ASPM: variants seen among roughly 807,000 people sequenced by gnomAD.
ASPM encodes abnormal spindle-like microcephaly-associated protein.
A neutral mutation model predicts 366.4 loss-of-function variants in ASPM; 256 were observed. The ratio of observed to expected loss-of-function variants is 0.70; its 90% CI spans 0.63 to 0.77. ASPM has a LOEUF of 0.77. Ranked by LOEUF, ASPM falls within the 30% of genes least tolerant of loss-of-function variation. The pLI is 0.00. For synonymous variants in ASPM, 1,414 were observed against 1,342.9 expected, an observed-to-expected ratio of 1.05 and a Z score of -1.16; for missense variants, 4,146 against 4,090.4, an observed-to-expected ratio of 1.01 and a Z score of -0.37.
At position 197,087,949 on chromosome 1, in the gene ASPM, A is replaced by C. The variant is rs538763468; in HGVS notation, c.10161+307T>G. 4.6e-5 allele frequency among the ~76,000 whole-genome samples: 7 copies of C among 152,294 alleles called. No homozygotes were observed. In the South Asian group the frequency reaches 1.5e-3, roughly 32 times the overall value. Reference sequence around the variant, plus strand: ...AAGCTTGAAATACAATTATGGTTACAACAGGAGGATAAGAAGTTATACCTA... The same window carrying C: ...AAGCTTGAAATACAATTATGGTTACCACAGGAGGATAAGAAGTTATACCTA... On this transcript the variant is annotated intron_variant, in intron 26 of 27. Coordinates refer to ENST00000367409, the MANE Select transcript of ASPM (RefSeq NM_018136.5).
intron 4 of ASPM, 58 bp downstream of exon 4, chr1:197,139,709 A>C: frequency 7.9e-7 from 1 of 1,268,924 alleles, no homozygotes; most frequent in Non-Finnish European, 1.2e-6. Flanking sequence ...TGTGAAATGC[A>C]ATTAATGCTT....
intron 17 of ASPM, among the ~76,000 whole-genome samples, chr1:197,108,971 C>CAAAAAAAAAAAAAAAAAAA (rs564818123): frequency 1.4e-5 from 1 of 69,746 alleles, no homozygotes; most frequent in Non-Finnish European, 2.6e-5. Context: ...ACCCTGTCTC[C>CAAAAAAAAAAAAAAAAAAA]AAAAAAAAAA....
chr1:197,139,453 C>A (rs995574942), intron 4 of ASPM: 2 of 552,846 alleles, frequency 3.6e-6, no homozygotes, highest in Non-Finnish European at 3.2e-6. Flanking sequence ...AAAAATTAGC[C>A]GGGCATGGTC....
chr1:197,146,340 G>T lies in ASPM; in HGVS notation c.98C>A (p.Ala33Glu), dbSNP rs1557967656. 5 of 1,612,458 alleles carry T rather than the reference G, an allele frequency of 3.1e-6. No homozygotes were observed. The highest frequency in any genetic ancestry group is 4.2e-6 in the Non-Finnish European group (5 of 1,179,850). ...GLRGPAAEEEASSPPVLSLSH... is the reference protein window; with the variant it reads ...GLRGPAAEEEESSPPVLSLSH... ...GAGAGACAGGACCGGCGGGGAAGACGCCTCCTCCTCGGCCGCGGGGCCCCG... is the reference window on the plus strand; with the variant it reads ...GAGAGACAGGACCGGCGGGGAAGACTCCTCCTCCTCGGCCGCGGGGCCCCG... The change falls in exon 1 of 28, where the codon GCG (alanine) becomes GAG (glutamate). Residue 33 changes from alanine to glutamate, a missense_variant. By Grantham distance (107) the Ala-to-Glu change is moderately radical. Around this residue, in one of 3 missense-constraint regions of ASPM, gnomAD observed 512 missense variants for 471.7 expected, o/e 1.09. Transcript: ENST00000367409.
intron 4 of ASPM, among the ~76,000 whole-genome samples, chr1:197,138,096 AAAATGT>A (rs1476195768): frequency 6.6e-6 from 1 of 152,214 alleles, no homozygotes; most frequent in Non-Finnish European, 1.5e-5. Context: ...ATTTAGATAT[AAAATGT>A]AAAAGTCACT....
At chr1:197,106,391 T>A (rs1657409872) in intron 17 of ASPM, among the ~76,000 whole-genome samples, 1 of 152,046 alleles carries the variant, frequency 6.6e-6, no homozygotes, top group Non-Finnish European at 1.5e-5. Context: ...ACATAAAGTA[T>A]TAACTTGCTT....
chr1:197,092,345 G>A (rs1293208377), intron 21 of ASPM, among the ~76,000 whole-genome samples: 1 of 151,176 alleles, frequency 6.6e-6, no homozygotes, highest in Non-Finnish European at 1.5e-5. Context: ...ATTAGAGAAG[G>A]GTATAAATAT....
intron 10 of ASPM, among the ~76,000 whole-genome samples, chr1:197,126,440 A>C (rs1396230611): frequency 1.6e-4 from 5 of 31,846 alleles, no homozygotes; most frequent in Non-Finnish European, 1.8e-4. Flanking sequence ...ACTCTGTCTC[A>C]AAAAAAAAAA....
chr1:197,133,308 G>A lies in ASPM; in HGVS notation c.2419+42C>T, dbSNP rs577431982. Reference sequence around the variant, plus strand: ...GAAAAAAACACAAAATCTCTTGAATGTTTTTAAAGAATTAATGTCAAGATT... The same window carrying A: ...GAAAAAAACACAAAATCTCTTGAATATTTTTAAAGAATTAATGTCAAGATT... On this transcript the variant is annotated intron_variant, in intron 6 of 27. Transcript: ENST00000367409. 2.5e-6 allele frequency: 4 copies of A among 1,574,904 alleles called. No individual in the cohort carries two copies. The South Asian group carries it at 3.6e-5, about 14-fold the overall frequency.
intron 23 of ASPM, 59 bp from the exon 24 acceptor site, chr1:197,090,447 T>G: frequency 7.8e-7 from 1 of 1,283,110 alleles, no homozygotes; most frequent in Non-Finnish European, 1.1e-6. Flanking sequence ...TATTTATATC[T>G]ACATCTGTTT....
At chr1:197,114,412 AT>A (rs1657682924) in intron 17 of ASPM, among the ~76,000 whole-genome samples, 1 of 152,160 alleles carries the variant, frequency 6.6e-6, no homozygotes. Flanking sequence ...GTTTTACTGC[AT>A]TGATTGACTC....
chr1:197,089,620 A>G (rs991701574), intron 25 of ASPM, among the ~76,000 whole-genome samples: 1 of 151,932 alleles, frequency 6.6e-6, no homozygotes, highest in African/African-American at 2.4e-5. Context: ...ACTTTAGAGG[A>G]TTATTATGAG....
chr1:197,128,563 G>A lies in ASPM; in HGVS notation c.2863C>T (p.Gln955Ter), dbSNP rs774338373. ...AAATCAAATTCATCAAATGGTGTCT[G>A]AACATGGTTAACAGGTAATCCCAAT... ...GLLGLPVNHV[Q>*]TPFDEFDFAV... The change falls in exon 10 of 28, where the codon CAG becomes TAG. Residue 955 changes from glutamine (Q) to a stop codon, truncating the protein, a stop_gained. Transcript: ENST00000367409. LOFTEE classifies it high-confidence loss of function. 6.2e-7 allele frequency: 1 copy of A among 1,613,692 alleles called. No individual in the cohort carries two copies. The highest frequency in any genetic ancestry group is 8.5e-7 in the Non-Finnish European group (1 of 1,179,756).
Position 197,101,381 on chromosome 1 carries a change from G to A in ASPM, c.7870C>T (p.Gln2624Ter). 1.9e-6 allele frequency: 3 copies of A among 1,609,194 alleles called. No homozygotes were observed. Among genetic ancestry groups the A allele is most frequent in the Admixed American group, 1.7e-5 (1 of 59,678 alleles). Residue 2624 changes from glutamine to a stop codon, truncating the protein, a stop_gained, in exon 18 of 28, where the codon CAG becomes TAG. Transcript: ENST00000367409. LOFTEE classifies it high-confidence loss of function. ...DMNIKKQIQEQHQAAIIIQKH... is the reference protein window; with the variant it reads ...DMNIKKQIQE Reference sequence around the variant, plus strand: ...TGAATAATAATGGCAGCCTGGTGCTGTTCCTGAATCTGTTTTTTTATGTTC... The same window carrying A: ...TGAATAATAATGGCAGCCTGGTGCTATTCCTGAATCTGTTTTTTTATGTTC...
At position 197,104,246 on chromosome 1, in the gene ASPM, A is replaced by G; in HGVS notation, c.5005T>C (p.Tyr1669His). 6.2e-7 allele frequency: 1 copy of G among 1,612,856 alleles called. No individual in the cohort carries two copies. Among genetic ancestry groups the G allele is most frequent in the South Asian group, 1.1e-5 (1 of 91,036 alleles). The change falls in exon 18 of 28, where the codon TAT becomes CAT. Residue 1669 changes from tyrosine to histidine, a missense_variant. Around this residue, in one of 3 missense-constraint regions of ASPM, gnomAD observed 3,624 missense variants for 3,591.7 expected, o/e 1.01. Coordinates refer to ENST00000367409, the MANE Select transcript of ASPM (RefSeq NM_018136.5). ...CTCAAAAATTCCTTTTTAGAAACAT[A>G]AGCACGATAATATGATTGAATCTTT... is the stretch of plus-strand genomic sequence containing the variant. ...VIKIQSYYRA[Y>H]VSKKEFLSLK...
Position 197,100,825 on chromosome 1 carries a change from G to A in ASPM, c.8426C>T (p.Ala2809Val). 2 of 1,612,548 alleles carry A rather than the reference G, an allele frequency of 1.2e-6. No homozygotes were observed. The highest frequency in any genetic ancestry group is 1.7e-6 in the Non-Finnish European group (2 of 1,179,114). ...KASGLACSQE[A>V]EYHSQSRAAV... ...AGCCCTACTTTGAGAATGATACTCT[G>A]CTTCCTGTGAACAAGCAAGGCCAGA... is the stretch of plus-strand genomic sequence containing the variant. The change falls in exon 18 of 28, where the codon GCA (alanine) becomes GTA (valine). Residue 2809 changes from alanine to valine, a missense_variant. Physicochemically the swap from Ala to Val is moderately conservative, Grantham distance 64. This residue lies in a region of ASPM where 3,624 missense variants were observed against 3,591.7 expected (regional missense o/e 1.01). Coordinates refer to ENST00000367409, the MANE Select transcript of ASPM (RefSeq NM_018136.5).
At chr1:197,113,575 C>G (rs989731054) in intron 17 of ASPM, among the ~76,000 whole-genome samples, 5 of 151,930 alleles carry the variant, frequency 3.3e-5, no homozygotes, top group Non-Finnish European at 7.4e-5. Context: ...ATAACATAGG[C>G]ATACATCTAC....
chr1:197,118,948 G>A (rs1571612594), intron 16 of ASPM, among the ~76,000 whole-genome samples: 1 of 152,210 alleles, frequency 6.6e-6, no homozygotes, highest in African/African-American at 2.4e-5. Flanking sequence ...GCAGCTTTTT[G>A]TGTTGCTGTC....
In ASPM at chr1:197,086,872, T is replaced by G. The variant is rs752551367; in HGVS notation, c.10262A>C (p.Gln3421Pro). 1.2e-6 allele frequency: 2 copies of G among 1,611,682 alleles called. No individual in the cohort carries two copies. Among genetic ancestry groups the G allele is most frequent in the South Asian group, 2.2e-5 (2 of 91,034 alleles). ...KMNTERILYKQKKNSSISIPF... is the reference protein window; with the variant it reads ...KMNTERILYKPKKNSSISIPF... ...AATGCTTATAGAAGAATTCTTCTTT[T>G]GCTTGTAAAGTATTCTTTCAGTATT... Residue 3421 changes from glutamine (Q) to proline (P), a missense_variant, in exon 27 of 28, where the codon CAA becomes CCA. Around this residue, in one of 3 missense-constraint regions of ASPM, gnomAD observed 3,624 missense variants for 3,591.7 expected, o/e 1.01. Transcript: ENST00000367409.
Sources: allele counts gnomAD v4.1 joint callset (sites outside exome capture counted in the v4.1 genomes callset), GRCh38; gene constraint gnomAD v4.1.1; regional missense constraint gnomAD v4.1.1; transcripts MANE v1.5; gene names NCBI Gene and HGNC (gene_info 2026-07-23, HGNC 2026-07-21).